Variants in SSU72 observed in about 807,000 individuals in gnomAD.
SSU72 encodes the protein RNA polymerase II subunit A C-terminal domain phosphatase SSU72.
Under a neutral mutation model 22.7 loss-of-function variants are expected in SSU72, and 12 were observed. The ratio of observed to expected loss-of-function variants is 0.53; its 90% confidence interval spans 0.34 to 0.86. The LOEUF is 0.86. Among genes scored for constraint, SSU72 ranks in the 40% least tolerant of loss-of-function variants. The probability of loss-of-function intolerance (pLI) is 0.02; values close to 1 mark genes in which losing one functional copy is unlikely to be tolerated. For missense variants in SSU72, 151 were observed against 249.8 expected, an observed-to-expected ratio of 0.60 and a Z score of 2.67; for synonymous variants, 116 against 98.3, an observed-to-expected ratio of 1.18 and a Z score of -1.06.
At chr1:1,569,189 A>G (rs912154375) in intron 1 of SSU72, among the ~76,000 whole-genome samples, 1 of 152,156 alleles carries the variant, frequency 6.6e-6, no homozygotes, top group Non-Finnish European at 1.5e-5. Flanking sequence ...ATAAAATAAA[A>G]GAAAAAAACA....
intron 1 of SSU72, among the ~76,000 whole-genome samples, chr1:1,565,891 G>GT (rs1642655652): frequency 6.6e-6 from 1 of 152,232 alleles, no homozygotes; most frequent in African/African-American, 2.4e-5. Flanking sequence ...ATGGAGTGTG[G>GT]TAAGACCAGA....
chr1:1,568,762 TA>T (rs1475798786), intron 1 of SSU72, among the ~76,000 whole-genome samples: 1 of 151,766 alleles, frequency 6.6e-6, no homozygotes, highest in Non-Finnish European at 1.5e-5. Context: ...CCGTCTCTAC[TA>T]AAAATACAAA....
chr1:1,572,812 G>A (rs1317644648), intron 1 of SSU72, among the ~76,000 whole-genome samples: 1 of 138,948 alleles, frequency 7.2e-6, no homozygotes, highest in African/African-American at 2.6e-5. Context: ...GGATCACCAA[G>A]GAGAACCAGC....
Position 1,543,909 on chromosome 1 carries a change from GCCT to G in SSU72, c.440_442del (p.Glu147del). Reference sequence around the variant, plus strand: ...ACAGATGAGAAACGCCCCCAGGGTGGCCTCCTCGTGGTTGTCCTGGATGTCCAC... The same window carrying G: ...ACAGATGAGAAACGCCCCCAGGGTGGCCTCGTGGTTGTCCTGGATGTCCAC... On this transcript the variant is annotated inframe_deletion, in exon 4 of 5. Coordinates refer to ENST00000291386, the MANE Select transcript of SSU72 (RefSeq NM_014188.3). The G allele has an allele frequency of 6.2e-7, 1 of 1,613,980 alleles. No homozygotes were observed. The highest frequency in any genetic ancestry group is 8.5e-7 in the Non-Finnish European group (1 of 1,179,970).
intron 2 of SSU72, 109 bp from the exon 3 acceptor site, chr1:1,545,111 C>G (rs1642375153): frequency 7.3e-7 from 1 of 1,372,816 alleles, no homozygotes; most frequent in Non-Finnish European, 1.0e-6. Flanking sequence ...GCAGAGGCAG[C>G]CGGGACGAAG....
chr1:1,566,841 C>T (rs918661473), intron 1 of SSU72, among the ~76,000 whole-genome samples: 3 of 141,654 alleles, frequency 2.1e-5, no homozygotes, highest in Middle Eastern at 3.2e-3. Context: ...GCGACAAGAG[C>T]GAGACCCTGT....
chr1:1,544,755 C>G, intron 3 of SSU72, 108 bp downstream of exon 3: 2 of 1,531,588 alleles, frequency 1.3e-6, no homozygotes, highest in Non-Finnish European at 1.8e-6. Context: ...TGCTCCCCGG[C>G]CCCCGCCACT....
intron 3 of SSU72, 103 bp downstream of exon 3, chr1:1,544,760 G>A (rs749551391): frequency 1.4e-5 from 21 of 1,554,776 alleles, no homozygotes; most frequent in African/African-American, 5.4e-5. Flanking sequence ...CCCGGCCCCC[G>A]CCACTCTAGA....
intron 2 of SSU72, among the ~76,000 whole-genome samples, chr1:1,559,953 G>A (rs532570109): frequency 9.9e-5 from 15 of 152,174 alleles, no homozygotes; most frequent in African/African-American, 3.4e-4. Flanking sequence ...CCAAACTCTC[G>A]ACCTTGGGTG....
chr1:1,568,174 C>T (rs1379893847), intron 1 of SSU72, among the ~76,000 whole-genome samples: 1 of 152,240 alleles, frequency 6.6e-6, no homozygotes. Flanking sequence ...GACTCAACAG[C>T]GTTTCTTACA....
At chr1:1,544,571 T>C (rs2100703998) in intron 3 of SSU72, 1 of 442,486 alleles carries the variant, frequency 2.3e-6, no homozygotes, top group East Asian at 4.7e-5. Context: ...TGAGCCTAGA[T>C]TGTACCACTG....
chr1:1,555,891 C>T (rs1318120314), intron 2 of SSU72, among the ~76,000 whole-genome samples: 1 of 151,906 alleles, frequency 6.6e-6, no homozygotes, highest in East Asian at 1.9e-4. Context: ...CCCAGCTACT[C>T]AGGAGGCTGA....
chr1:1,550,738 C>G (rs971331760), intron 2 of SSU72, among the ~76,000 whole-genome samples: 1 of 152,186 alleles, frequency 6.6e-6, no homozygotes, highest in African/African-American at 2.4e-5. Context: ...AAGCACCACA[C>G]CAGGGAGGAC....
chr1:1,566,822 C>A (rs982008410), intron 1 of SSU72, among the ~76,000 whole-genome samples: 2 of 151,314 alleles, frequency 1.3e-5, no homozygotes, highest in Non-Finnish European at 1.5e-5. Flanking sequence ...CCACTGCACT[C>A]CAGCCTGGGC....
At chr1:1,565,187 C>A (rs1327076967) in intron 1 of SSU72, among the ~76,000 whole-genome samples, 1 of 152,118 alleles carries the variant, frequency 6.6e-6, no homozygotes, top group Non-Finnish European at 1.5e-5. Context: ...TCCTGGCTAA[C>A]ACGGTGAAAA....
intron 2 of SSU72, among the ~76,000 whole-genome samples, chr1:1,552,630 T>C (rs567988662): frequency 1.3e-5 from 2 of 152,168 alleles, no homozygotes; most frequent in Non-Finnish European, 2.9e-5. Flanking sequence ...TCCTGAACAC[T>C]TTCAGTCAGC....
At position 1,543,812 on chromosome 1, in the gene SSU72, C is replaced by T. The variant is rs183481688; in HGVS notation, c.483+57G>A. On this transcript the variant is annotated intron_variant, in intron 4 of 4. Transcript: ENST00000291386. ...CGGCCACTCCCCTCTGTCACGGCCT[C>T]GGTCACTCCCCTCTGTCACAACCTC... The T allele has an allele frequency of 2.0e-3, 2,832 of 1,433,150 alleles. 15 individuals are homozygous for T. Among genetic ancestry groups the T allele is most frequent in the Middle Eastern group, 0.011 (48 of 4,446 alleles). 88.8% of individuals were successfully genotyped at this position (1,433,150 alleles called of 1,614,324 possible). A position where few individuals can be genotyped will look rare whatever the true frequency, so the allele number is the denominator to read the frequency against.
chr1:1,553,185 ACC>A (rs2100710444), intron 2 of SSU72, among the ~76,000 whole-genome samples: 1 of 152,158 alleles, frequency 6.6e-6, no homozygotes, highest in South Asian at 2.1e-4. Context: ...TTGGACAGAA[ACC>A]CTGGATCTGT....
chr1:1,543,800 C>T, intron 4 of SSU72, 69 bp downstream of exon 4: 1 of 1,336,416 alleles, frequency 7.5e-7, no homozygotes, highest in Non-Finnish European at 1.1e-6. Flanking sequence ...CCACTCCCCT[C>T]TGTCACGGCC....
Sources: gnomAD v4.1 joint callset for allele counts (sites outside exome capture counted in the v4.1 genomes callset) on GRCh38, gnomAD v4.1.1 for gene constraint, MANE v1.5 for transcripts, NCBI Gene and HGNC (gene_info 2026-07-23, HGNC 2026-07-21) for gene names.